The following STYK1 variants were observed in gnomAD, a reference collection of about 807,000 sequenced individuals.
STYK1 encodes tyrosine-protein kinase STYK1.
A neutral mutation model predicts 48.1 loss-of-function variants in STYK1; 46 were observed. That is an observed-to-expected ratio of 0.96 (90% CI 0.75 to 1.22). The LOEUF is 1.22. Among genes scored for constraint, STYK1 ranks in the 50% most tolerant of loss-of-function variants. The pLI, the probability that STYK1 is intolerant of heterozygous loss-of-function variation, is 0.00. For missense variants in STYK1, 527 were observed against 521.1 expected, an observed-to-expected ratio of 1.01 and a Z score of -0.11; for synonymous variants, 188 against 189.0, an observed-to-expected ratio of 0.99 and a Z score of 0.04.
intron 1 of STYK1, chr12:10,667,462 A>G (rs1440298806): frequency 6.6e-6 from 1 of 151,916 alleles, no homozygotes; most frequent in Non-Finnish European, 1.5e-5. Flanking sequence ...GTCTCTTAAA[A>G]AAAAAAAAAA....
At chr12:10,663,984 A>T (rs1947808298) in intron 1 of STYK1, among the ~76,000 whole-genome samples, 1 of 152,186 alleles carries the variant, frequency 6.6e-6, no homozygotes, top group African/African-American at 2.4e-5. Context: ...TTAAACCAGA[A>T]TTTGTGTGTG....
chr12:10,639,417 C>CTT (rs762075648), intron 1 of STYK1, among the ~76,000 whole-genome samples: 2 of 145,178 alleles, frequency 1.4e-5, no homozygotes, highest in Non-Finnish European at 1.5e-5. Flanking sequence ...AAATTGGCCA[C>CTT]TTTTTTTTTT....
Position 10,635,388 on chromosome 12 carries a change from C to G in STYK1, c.-68-702G>C, listed in dbSNP as rs200899287. ...TATGAGTTACACATTTGCTTTGTTT[C>G]TCTGAAATATCCACACCCTCACAAG... On this transcript the variant is annotated intron_variant, in intron 2 of 10. Transcript: ENST00000075503. Among the ~76,000 whole-genome samples, 19 of 152,270 alleles carry G rather than the reference C, an allele frequency of 1.2e-4. 1 individual carries two copies. The East Asian group carries it at 3.5e-3, about 28-fold the overall frequency.
chr12:10,624,990 G>T, intron 7 of STYK1, 131 bp from the exon 8 acceptor site: 1 of 715,818 alleles, frequency 1.4e-6, no homozygotes. Context: ...CACTAATAAT[G>T]ATATGTCACT....
At chr12:10,625,128 C>T (rs1038676970) in intron 7 of STYK1, among the ~76,000 whole-genome samples, 2 of 152,238 alleles carry the variant, frequency 1.3e-5, no homozygotes, top group Non-Finnish European at 2.9e-5. Flanking sequence ...ACACTGACCC[C>T]TGCCTGATTT....
chr12:10,646,127 C>T (rs1947596387), intron 1 of STYK1, among the ~76,000 whole-genome samples: 1 of 152,098 alleles, frequency 6.6e-6, no homozygotes, highest in Non-Finnish European at 1.5e-5. Flanking sequence ...TAGGGTGCTA[C>T]TGAAAAGACA....
chr12:10,627,742 A>G lies in STYK1; in HGVS notation c.634-18T>C. On this transcript the variant is annotated intron_variant, in intron 6 of 10. Coordinates refer to ENST00000075503, the MANE Select transcript of STYK1 (RefSeq NM_018423.3). Reference sequence around the variant, plus strand: ...ATCACATCCTAAAGAGACAGGGAAAAAAAGCCATTATATCAAAATAGCACT... The same window carrying G: ...ATCACATCCTAAAGAGACAGGGAAAGAAAGCCATTATATCAAAATAGCACT... The G allele has an allele frequency of 6.3e-7, 1 of 1,592,626 alleles. No individual in the cohort carries two copies. Among genetic ancestry groups the G allele is most frequent in the Non-Finnish European group, 8.5e-7 (1 of 1,171,086 alleles).
chr12:10,659,895 C>T (rs1170830270), intron 1 of STYK1, among the ~76,000 whole-genome samples: 6 of 152,008 alleles, frequency 3.9e-5, no homozygotes, highest in East Asian at 1.9e-4. Flanking sequence ...TATGGTACAC[C>T]TGTTGTTAGA....
intron 7 of STYK1, among the ~76,000 whole-genome samples, chr12:10,626,920 TGGCGTGAACCTG>T (rs1273587837): frequency 1.3e-5 from 2 of 152,156 alleles, no homozygotes; most frequent in Non-Finnish European, 2.9e-5. Flanking sequence ...GGCAGGAGAA[TGGCGTGAACCTG>T]GGAGGCGGAG....
intron 8 of STYK1, 131 bp from the exon 9 acceptor site, chr12:10,622,809 TG>T: frequency 9.8e-7 from 1 of 1,018,828 alleles, no homozygotes; most frequent in African/African-American, 1.6e-5. Context: ...GATGAGTGTC[TG>T]AAAAACAAAA....
intron 1 of STYK1, among the ~76,000 whole-genome samples, chr12:10,644,368 C>G (rs73264045): frequency 0.014 from 2,178 of 152,254 alleles, 58 homozygotes; most frequent in African/African-American, 0.05. Flanking sequence ...ACTCTACATT[C>G]TAGTTCATTA....
chr12:10,673,342 A>C (rs950553703), intron 1 of STYK1, among the ~76,000 whole-genome samples: 1 of 151,870 alleles, frequency 6.6e-6, no homozygotes, highest in Non-Finnish European at 1.5e-5. Flanking sequence ...GCGCCATTGC[A>C]CTCCAGCCTG....
At chr12:10,636,158 C>T (rs1455674642) in intron 2 of STYK1, among the ~76,000 whole-genome samples, 1 of 152,138 alleles carries the variant, frequency 6.6e-6, no homozygotes, top group African/African-American at 2.4e-5. Context: ...CACAGTGTTA[C>T]TTACTGAGGC....
intron 8 of STYK1, 80 bp downstream of exon 8, chr12:10,624,571 T>C: frequency 7.9e-7 from 1 of 1,260,198 alleles, no homozygotes. Context: ...TATACAGAAT[T>C]GGCAACAGAT....
chr12:10,647,606 T>C (rs564063516), intron 1 of STYK1, among the ~76,000 whole-genome samples: 1 of 152,146 alleles, frequency 6.6e-6, no homozygotes, highest in Non-Finnish European at 1.5e-5. Flanking sequence ...GGGGGACGGT[T>C]GGGAAGGCAA....
At chr12:10,635,886 G>T (rs953221789) in intron 2 of STYK1, among the ~76,000 whole-genome samples, 60 of 152,084 alleles carry the variant, frequency 3.9e-4, no homozygotes, top group African/African-American at 1.4e-3. Context: ...TTTTGCCTTT[G>T]CTTGACAAGA....
chr12:10,635,505 C>A (rs894651971), intron 2 of STYK1, among the ~76,000 whole-genome samples: 1 of 152,180 alleles, frequency 6.6e-6, no homozygotes, highest in African/African-American at 2.4e-5. Flanking sequence ...CAGATATAGA[C>A]ACGGACACTC....
intron 10 of STYK1, 91 bp downstream of exon 10, chr12:10,621,785 G>T (rs1449964698): frequency 1.7e-6 from 2 of 1,147,792 alleles, no homozygotes; most frequent in Non-Finnish European, 2.6e-6. Context: ...CACAGGTGAG[G>T]ATCATCTGAG....
chr12:10,638,709 C>T (rs994028366), intron 1 of STYK1, among the ~76,000 whole-genome samples: 1 of 152,168 alleles, frequency 6.6e-6, no homozygotes, highest in Non-Finnish European at 1.5e-5. Context: ...CCATGACTTT[C>T]CAGAGTAAAC....
Sources: gnomAD v4.1 joint callset for allele counts (sites outside exome capture counted in the v4.1 genomes callset) on GRCh38, gnomAD v4.1.1 for gene constraint, MANE v1.5 for transcripts, NCBI Gene and HGNC (gene_info 2026-07-23, HGNC 2026-07-21) for gene names.